BMPR1A: variants seen among roughly 807,000 people sequenced by gnomAD.
BMPR1A encodes bone morphogenetic protein receptor type-1A.
BMPR1A carries 7 observed loss-of-function variants against 66.0 expected under a neutral mutation model. That is an observed-to-expected ratio of 0.11 (90% confidence interval 0.06 to 0.20). The LOEUF is 0.20. Ranked by LOEUF, BMPR1A falls within the 10% of genes least tolerant of loss-of-function variation. BMPR1A has a pLI of 1.00. For missense variants in BMPR1A, 408 were observed against 669.1 expected (o/e 0.61, Z 4.31); for synonymous variants, 200 against 229.7 (o/e 0.87, Z 1.17).
intron 1 of BMPR1A, among the ~76,000 whole-genome samples, chr10:86,789,167 G>GT (rs746604016): frequency 2.0e-5 from 3 of 152,066 alleles, no homozygotes; most frequent in Non-Finnish European, 4.4e-5. Context: ...AAACCTAAAT[G>GT]TAAGAGCTAA....
chr10:86,757,088 C>T (rs1847884015), intron 1 of BMPR1A, among the ~76,000 whole-genome samples, 169 bp downstream of exon 1: 1 of 151,080 alleles, frequency 6.6e-6, no homozygotes, highest in African/African-American at 2.4e-5. Flanking sequence ...GCCGGGACCG[C>T]CCAGCCAGAG....
chr10:86,919,316 C>T lies in BMPR1A; in HGVS notation c.1013C>T (p.Ala338Val), dbSNP rs199476086. The T allele has an allele frequency of 6.2e-7, 1 of 1,613,720 alleles. No homozygotes were observed. The highest frequency in any genetic ancestry group is 8.5e-7 in the Non-Finnish European group (1 of 1,179,880). Residue 338 changes from alanine (A) to valine (V), a missense_variant, in exon 10 of 13, where the codon GCT (alanine) becomes GTT (valine). Ala to Val is a moderately conservative substitution (Grantham distance 64). Transcript: ENST00000372037. ...TRALLKLAYS[A>V]ACGLCHLHTE... Reference sequence around the variant, plus strand: ...GCCCTGCTTAAATTGGCTTATTCAGCTGCCTGTGGTCTGTGCCACCTGCAC... The same window carrying T: ...GCCCTGCTTAAATTGGCTTATTCAGTTGCCTGTGGTCTGTGCCACCTGCAC...
At chr10:86,854,087 CA>C (rs1045016231) in intron 2 of BMPR1A, among the ~76,000 whole-genome samples, 2 of 152,184 alleles carry the variant, frequency 1.3e-5, no homozygotes, top group African/African-American at 4.8e-5. Context: ...GGCCCACCCT[CA>C]GGGGCACATT....
At chr10:86,828,542 C>T (rs983761948) in intron 1 of BMPR1A, among the ~76,000 whole-genome samples, 1 of 152,286 alleles carries the variant, frequency 6.6e-6, no homozygotes, top group East Asian at 1.9e-4. Context: ...TGTAGCATAA[C>T]TCTGGTATTC....
chr10:86,860,093 T>C (rs2133228400), intron 2 of BMPR1A, among the ~76,000 whole-genome samples: 1 of 152,160 alleles, frequency 6.6e-6, no homozygotes, highest in South Asian at 2.1e-4. Context: ...GCAATCTGAT[T>C]GCACCTGTGA....
intron 2 of BMPR1A, among the ~76,000 whole-genome samples, chr10:86,847,397 C>T (rs140432073): frequency 1.9e-3 from 289 of 152,036 alleles, no homozygotes; most frequent in Non-Finnish European, 3.4e-3. Flanking sequence ...CCAGTTTAAC[C>T]TCTGATTATA....
At chr10:86,868,863 A>G (rs1043748272) in intron 2 of BMPR1A, among the ~76,000 whole-genome samples, 1 of 149,692 alleles carries the variant, frequency 6.7e-6, no homozygotes, top group African/African-American at 2.5e-5. Context: ...CTTAAAAAAG[A>G]AATTATTTAT....
intron 1 of BMPR1A, among the ~76,000 whole-genome samples, chr10:86,795,428 T>C (rs61858603): frequency 7.6e-6 from 1 of 132,106 alleles, no homozygotes; most frequent in South Asian, 2.6e-4. Context: ...TTTTTTTTTT[T>C]CCTAACGCTG....
At position 86,841,080 on chromosome 10, in the gene BMPR1A, A is replaced by G. The variant is rs189981699; in HGVS notation, c.-153+2101A>G. ...TGCCAGAGTAAGGACAGATTCCTCT[A>G]ATTTTAAAGATAGTGTAGCTTTGCC... On this transcript the variant is annotated intron_variant, in intron 2 of 12. Coordinates refer to ENST00000372037, the MANE Select transcript of BMPR1A (RefSeq NM_004329.3). Among the ~76,000 whole-genome samples, 22 of 152,316 alleles carry G rather than the reference A, an allele frequency of 1.4e-4. No homozygotes were observed. In the East Asian group the frequency reaches 2.9e-3, roughly 20 times the overall value.
chr10:86,767,616 T>C (rs1841188141), intron 1 of BMPR1A, among the ~76,000 whole-genome samples: 1 of 152,178 alleles, frequency 6.6e-6, no homozygotes, highest in Non-Finnish European at 1.5e-5. Flanking sequence ...AGTTCGAGAC[T>C]GCAGTGAGCC....
intron 5 of BMPR1A, among the ~76,000 whole-genome samples, chr10:86,898,471 C>T (rs930252726): frequency 1.3e-5 from 2 of 152,138 alleles, no homozygotes; most frequent in Admixed American, 1.3e-4. Flanking sequence ...ACAAACGCAT[C>T]GTAAGATCTC....
At chr10:86,917,448 CTA>C in intron 9 of BMPR1A, 122 bp downstream of exon 9, 1 of 1,174,264 alleles carries the variant, frequency 8.5e-7, no homozygotes, top group Non-Finnish European at 1.2e-6. Context: ...TAAAGGAAAC[CTA>C]GTAGAATACA....
chr10:86,931,206 A>T (rs1206132733), downstream of BMPR1A: 2 of 147,292 alleles, frequency 1.4e-5, no homozygotes, highest in Non-Finnish European at 3.0e-5. Flanking sequence ...GCACCACTGC[A>T]TTCCAGGCTG....
intron 2 of BMPR1A, among the ~76,000 whole-genome samples, chr10:86,847,686 G>A (rs534425012): frequency 6.6e-6 from 1 of 151,866 alleles, no homozygotes; most frequent in African/African-American, 2.4e-5. Context: ...ACACACGTGT[G>A]TATGTGTGTG....
At chr10:86,855,412 T>A (rs928193164) in intron 2 of BMPR1A, 4 of 736,156 alleles carry the variant, frequency 5.4e-6, no homozygotes, top group African/African-American at 1.8e-5. Flanking sequence ...AAATTTTCTG[T>A]TAAAATGCTC....
At chr10:86,859,977 G>T (rs1473840116) in intron 2 of BMPR1A, among the ~76,000 whole-genome samples, 2 of 152,044 alleles carry the variant, frequency 1.3e-5, no homozygotes, top group East Asian at 1.9e-4. Context: ...ATTTATTGCC[G>T]CATTGCTTAT....
At chr10:86,898,410 C>G (rs1843260093) in intron 5 of BMPR1A, among the ~76,000 whole-genome samples, 1 of 152,102 alleles carries the variant, frequency 6.6e-6, no homozygotes, top group South Asian at 2.1e-4. Context: ...GGGCTTTCAT[C>G]TTCCTGGGAT....
intron 5 of BMPR1A, among the ~76,000 whole-genome samples, chr10:86,893,648 C>T (rs373919531): frequency 4.6e-4 from 70 of 152,098 alleles, no homozygotes; most frequent in African/African-American, 1.6e-3. Flanking sequence ...ATTAGCTGGA[C>T]GTGGTGGCGG....
intron 9 of BMPR1A, among the ~76,000 whole-genome samples, chr10:86,917,547 A>G (rs1300040422): frequency 1.3e-5 from 2 of 152,256 alleles, no homozygotes; most frequent in Admixed American, 6.5e-5. Flanking sequence ...TTCAAATGGA[A>G]AATAATACTA....
Sources: gnomAD v4.1 joint callset for allele counts (sites outside exome capture counted in the v4.1 genomes callset) on GRCh38, gnomAD v4.1.1 for gene constraint, MANE v1.5 for transcripts, NCBI Gene and HGNC (gene_info 2026-07-23, HGNC 2026-07-21) for gene names.